Variants in OSTF1 observed in about 807,000 individuals in gnomAD.
OSTF1 encodes the protein osteoclast-stimulating factor 1.
In OSTF1, 27 loss-of-function variants were observed where a neutral mutation model predicts 37.2. That is an observed-to-expected ratio of 0.73 (90% CI 0.54 to 1.00). The LOEUF (loss-of-function observed/expected upper bound fraction) is 1.00. Among genes scored for constraint, OSTF1 ranks in the 50% least tolerant of loss-of-function variants. The pLI is 0.00. For missense variants in OSTF1, 232 were observed against 253.8 expected (o/e 0.91, Z 0.58); for synonymous variants, 82 against 89.2 (o/e 0.92, Z 0.46).
intron 8 of OSTF1, 149 bp downstream of exon 8, chr9:75,137,765 A>G (rs1316779317): frequency 1.7e-6 from 1 of 577,586 alleles, no homozygotes; most frequent in Non-Finnish European, 3.1e-6. Flanking sequence ...TGGAATAGTT[A>G]TGATAAAATA....
chr9:75,134,707 T>A (rs949227181), intron 7 of OSTF1, among the ~76,000 whole-genome samples: 1 of 152,164 alleles, frequency 6.6e-6, no homozygotes, highest in African/African-American at 2.4e-5. Context: ...TGTGAAGGGT[T>A]AAGCTTGTCA....
At chr9:75,133,074 CATTA>C (rs749667312) in intron 5 of OSTF1, among the ~76,000 whole-genome samples, 1 of 151,858 alleles carries the variant, frequency 6.6e-6, no homozygotes, top group African/African-American at 2.4e-5. Flanking sequence ...CAACTATTCC[CATTA>C]ACTTATCATT....
At chr9:75,146,233 A>T (rs548343234) in intron 9 of OSTF1, among the ~76,000 whole-genome samples, 117 of 152,168 alleles carry the variant, frequency 7.7e-4, no homozygotes, top group Non-Finnish European at 1.2e-3. Context: ...TGTTTTCTAC[A>T]TTGAAATGGA....
Position 75,127,552 on chromosome 9 carries a change from T to C in OSTF1, c.82-17T>C. On this transcript the variant is annotated splice_polypyrimidine_tract_variant and intron_variant, in intron 2 of 9. Transcript: ENST00000346234. ...CATGAAAAATCACATGGAGTCAAAC[T>C]TTTTTTTTTCTTCTAGCCAGATGAA... The C allele has an allele frequency of 3.1e-6, 4 of 1,298,754 alleles. No homozygotes were observed. The highest frequency in any genetic ancestry group is 4.2e-6 in the Non-Finnish European group (4 of 941,738). 80.5% of individuals were successfully genotyped at this position (1,298,754 alleles called of 1,614,324 possible).
intron 6 of OSTF1, 119 bp downstream of exon 6, chr9:75,133,520 G>C: frequency 1.6e-6 from 1 of 637,072 alleles, no homozygotes; most frequent in Non-Finnish European, 2.8e-6. Flanking sequence ...GAATCCTTTA[G>C]AATACCGGCC....
At chr9:75,145,927 A>G (rs1165985661) in intron 9 of OSTF1, among the ~76,000 whole-genome samples, 22 of 152,224 alleles carry the variant, frequency 1.4e-4, no homozygotes, top group Admixed American at 1.4e-3. Flanking sequence ...GGAACCGGTC[A>G]TATGTATAAT....
At chr9:75,118,171 A>C (rs1231519666) in intron 2 of OSTF1, among the ~76,000 whole-genome samples, 1 of 152,196 alleles carries the variant, frequency 6.6e-6, no homozygotes, top group East Asian at 1.9e-4. Context: ...GGAGAAAAAT[A>C]AGGAGGGTTA....
At chr9:75,090,767 G>C (rs919082592) in intron 1 of OSTF1, among the ~76,000 whole-genome samples, 3 of 151,988 alleles carry the variant, frequency 2.0e-5, no homozygotes, top group Non-Finnish European at 4.4e-5. Context: ...GAGGCTAGGA[G>C]TTTGAGACTA....
chr9:75,088,633 G>A lies in OSTF1; in HGVS notation c.-60G>A, dbSNP rs954101438. 300 of 1,560,502 alleles carry A rather than the reference G, an allele frequency of 1.9e-4. No individual in the cohort carries two copies. The highest frequency in any genetic ancestry group is 2.5e-4 in the Non-Finnish European group (290 of 1,144,128). On this transcript the variant is annotated 5_prime_UTR_variant, in exon 1 of 10. Coordinates refer to ENST00000346234, the MANE Select transcript of OSTF1 (RefSeq NM_012383.5). Reference sequence around the variant, plus strand: ...AACTGGGGTGCCCGGAGTGCCAGGTGGCGGGCAAGCGGTGGGCTTTTCGGC... The same window carrying A: ...AACTGGGGTGCCCGGAGTGCCAGGTAGCGGGCAAGCGGTGGGCTTTTCGGC...
chr9:75,138,682 A>G (rs960162751), intron 8 of OSTF1, among the ~76,000 whole-genome samples: 2 of 152,348 alleles, frequency 1.3e-5, no homozygotes, highest in African/African-American at 2.4e-5. Flanking sequence ...ATTAAAAATT[A>G]TATATGTGGA....
intron 5 of OSTF1, 85 bp downstream of exon 5, chr9:75,131,908 G>T (rs1350769290): frequency 1.1e-6 from 1 of 916,160 alleles, no homozygotes; most frequent in Admixed American, 1.9e-5. Context: ...ATACACCCAC[G>T]TAACCAACAC....
intron 1 of OSTF1, among the ~76,000 whole-genome samples, chr9:75,101,380 A>G (rs1825190945): frequency 6.6e-6 from 1 of 152,172 alleles, no homozygotes; most frequent in African/African-American, 2.4e-5. Flanking sequence ...TTAGGGAAAC[A>G]ATTTTCAGTT....
chr9:75,146,614 A>G, intron 9 of OSTF1, 69 bp from the exon 10 acceptor site: 1 of 1,048,556 alleles, frequency 9.5e-7, no homozygotes, highest in Non-Finnish European at 1.5e-6. Flanking sequence ...GAGCTTTGAA[A>G]ATGAAAAAAT....
chr9:75,131,601 A>T (rs1385151605), intron 4 of OSTF1, among the ~76,000 whole-genome samples, 169 bp from the exon 5 acceptor site: 1 of 152,156 alleles, frequency 6.6e-6, no homozygotes, highest in African/African-American at 2.4e-5. Context: ...ATTTAATGCA[A>T]GAACTATCCA....
chr9:75,123,349 G>A (rs1825610737), intron 2 of OSTF1, among the ~76,000 whole-genome samples: 1 of 152,218 alleles, frequency 6.6e-6, no homozygotes, highest in Admixed American at 6.5e-5. Flanking sequence ...GTGAACCCTT[G>A]GGGGGCGGAG....
chr9:75,139,057 T>TCCTTCCTTCCTTCCTTCC (rs1554774439), intron 8 of OSTF1, among the ~76,000 whole-genome samples: 7 of 138,592 alleles, frequency 5.1e-5, no homozygotes, highest in African/African-American at 2.1e-4. Context: ...TTTCTTTCTT[T>TCCTTCCTTCCTTCCTTCC]TTTTTTTGAA....
Position 75,147,033 on chromosome 9 carries a change from A to AAATTT in OSTF1, c.*292_*293insAATTT, listed in dbSNP as rs1826037860. On this transcript the variant is annotated 3_prime_UTR_variant, in exon 10 of 10. Transcript: ENST00000346234. ...TTTTTTTCTTTAAAAACAAATTAGG[A>AAATTT]TTTTTTTTTTTTTTTTTTTTTTAGT... 1 of 107,898 alleles carries AAATTT rather than the reference A, an allele frequency of 9.3e-6. No individual in the cohort carries two copies. Among genetic ancestry groups the AAATTT allele is most frequent in the Non-Finnish European group, 1.8e-5 (1 of 56,234 alleles). 6.7% of individuals were successfully genotyped at this position (107,898 alleles called of 1,614,324 possible).
At position 75,110,320 on chromosome 9, in the gene OSTF1, A is replaced by G. The variant is rs151172690; in HGVS notation, c.35-7184A>G. Among the ~76,000 whole-genome samples the G allele has an allele frequency of 7.2e-3, 1,097 of 152,256 alleles. 12 individuals are homozygous for G. The highest frequency in any genetic ancestry group is 0.025 in the African/African-American group (1,035 of 41,542). On this transcript the variant is annotated intron_variant, in intron 1 of 9. Coordinates refer to ENST00000346234, the MANE Select transcript of OSTF1 (RefSeq NM_012383.5). Reference sequence around the variant, plus strand: ...GTTTCCATAGTTTTGCCTTTTCCAGAATGTCATATAGTTGGAATCATGTAG... The same window carrying G: ...GTTTCCATAGTTTTGCCTTTTCCAGGATGTCATATAGTTGGAATCATGTAG...
At chr9:75,142,725 G>C (rs1230892516) in intron 9 of OSTF1, among the ~76,000 whole-genome samples, 1 of 152,004 alleles carries the variant, frequency 6.6e-6, no homozygotes, top group Admixed American at 6.6e-5. Context: ...TCATTAATGA[G>C]GTAATCTTAG....
Sources: allele counts gnomAD v4.1 joint callset (sites outside exome capture counted in the v4.1 genomes callset), GRCh38; gene constraint gnomAD v4.1.1; transcripts MANE v1.5; gene names NCBI Gene and HGNC (gene_info 2026-07-23, HGNC 2026-07-21).